Variants in STXBP5L observed in about 807,000 individuals in gnomAD.
STXBP5L encodes the protein syntaxin-binding protein 5-like.
STXBP5L carries 65 observed loss-of-function variants against 144.5 expected under a neutral mutation model. The ratio of observed to expected loss-of-function variants is 0.45; its 90% CI spans 0.37 to 0.55. STXBP5L has a LOEUF of 0.55. STXBP5L is among the 20% of genes least tolerant of loss of function. STXBP5L has a pLI of 0.00. For synonymous variants in STXBP5L, 505 were observed against 469.6 expected (o/e 1.08, Z -0.97); for missense variants, 1,298 against 1,405.5 (o/e 0.92, Z 1.22).
intron 11 of STXBP5L, among the ~76,000 whole-genome samples, chr3:121,223,513 A>G (rs767920327): frequency 2.0e-5 from 3 of 152,164 alleles, no homozygotes; most frequent in Non-Finnish European, 4.4e-5. Flanking sequence ...CCCAAAGCCA[A>G]TCAAAGTTAA....
chr3:121,063,324 A>T (rs1006893074), intron 5 of STXBP5L, among the ~76,000 whole-genome samples: 1 of 152,086 alleles, frequency 6.6e-6, no homozygotes, highest in Non-Finnish European at 1.5e-5. Flanking sequence ...TCACCAGTGG[A>T]TGCTGCAGAA....
intron 5 of STXBP5L, among the ~76,000 whole-genome samples, chr3:121,105,486 C>G (rs576604049): frequency 2.0e-5 from 3 of 151,954 alleles, no homozygotes; most frequent in Non-Finnish European, 4.4e-5. Context: ...CAGGGAAATG[C>G]AAATCAAAAC....
chr3:121,095,537 G>C (rs964961037), intron 5 of STXBP5L, among the ~76,000 whole-genome samples: 4 of 151,856 alleles, frequency 2.6e-5, no homozygotes, highest in African/African-American at 9.7e-5. Flanking sequence ...TCATTCATTT[G>C]GTCTTCAATC....
chr3:121,314,862 C>T (rs1436594868), intron 19 of STXBP5L, among the ~76,000 whole-genome samples: 1 of 152,318 alleles, frequency 6.6e-6, no homozygotes, highest in Admixed American at 6.5e-5. Context: ...GACATTTACA[C>T]AGCCAAAAGA....
chr3:121,370,858 C>T (rs1478057792), intron 20 of STXBP5L, among the ~76,000 whole-genome samples: 1 of 152,200 alleles, frequency 6.6e-6, no homozygotes, highest in South Asian at 2.1e-4. Flanking sequence ...GCTCTATCAG[C>T]TCAGTTACAT....
chr3:121,208,368 G>T (rs1418472252), intron 10 of STXBP5L, among the ~76,000 whole-genome samples: 2 of 151,786 alleles, frequency 1.3e-5, no homozygotes, highest in African/African-American at 4.8e-5. Context: ...AGTATTAGGA[G>T]ATATATCTAA....
chr3:121,064,624 TTCC>T (rs1319361204), intron 5 of STXBP5L, among the ~76,000 whole-genome samples: 4 of 152,260 alleles, frequency 2.6e-5, no homozygotes, highest in Non-Finnish European at 4.4e-5. Flanking sequence ...ATATGTTATA[TTCC>T]TTTATTTGCT....
intron 9 of STXBP5L, among the ~76,000 whole-genome samples, chr3:121,176,401 T>C (rs1577121516): frequency 6.9e-6 from 1 of 145,384 alleles, no homozygotes; most frequent in African/African-American, 2.5e-5. Context: ...GTCAATAAAA[T>C]TAAAGACAAA....
At chr3:121,065,411 T>G (rs1313467492) in intron 5 of STXBP5L, among the ~76,000 whole-genome samples, 2 of 152,152 alleles carry the variant, frequency 1.3e-5, no homozygotes, top group Non-Finnish European at 2.9e-5. Flanking sequence ...CACACACATG[T>G]CTTTTGTTGT....
chr3:121,280,873 C>CTT (rs2051035188), intron 19 of STXBP5L, among the ~76,000 whole-genome samples: 6 of 151,286 alleles, frequency 4.0e-5, no homozygotes, highest in Admixed American at 3.3e-4. Flanking sequence ...GCCAGTAATT[C>CTT]AAGACCAGTC....
Position 121,144,154 on chromosome 3 carries a change from A to AG in STXBP5L, c.670-8323_670-8322insG, listed in dbSNP as rs1417160170. Among the ~76,000 whole-genome samples the AG allele has an allele frequency of 2.0e-5, 3 of 151,702 alleles. No homozygotes were observed. The East Asian group carries it at 5.8e-4, about 29-fold the overall frequency. ...AACTCAATAGTAAAAAAAAAAAAAA[A>AG]AAAATCTAGTAACCCGATTTTAAAA... On this transcript the variant is annotated intron_variant, in intron 7 of 26. Coordinates refer to ENST00000471454, the MANE Select transcript of STXBP5L (RefSeq NM_001308330.2).
chr3:121,175,638 T>C lies in STXBP5L; in HGVS notation c.877+18011T>C, dbSNP rs530269477. Among the ~76,000 whole-genome samples, 6 of 151,574 alleles carry C rather than the reference T, an allele frequency of 4.0e-5. No individual in the cohort carries two copies. The South Asian group carries it at 1.3e-3, about 32-fold the overall frequency. ...CCATTAAAATGCTCAATTAAACCCA[T>C]AGAAGGCAGAAAAGGAGGGAAAAAA... On this transcript the variant is annotated intron_variant, in intron 9 of 26. Transcript: ENST00000471454.
At chr3:121,007,168 C>G (rs1944391511) in intron 3 of STXBP5L, among the ~76,000 whole-genome samples, 2 of 151,954 alleles carry the variant, frequency 1.3e-5, no homozygotes, top group African/African-American at 4.8e-5. Flanking sequence ...TTTTTAAATT[C>G]TACTTGTATG....
intron 19 of STXBP5L, among the ~76,000 whole-genome samples, chr3:121,300,699 CAAA>C (rs1377573679): frequency 2.7e-5 from 4 of 150,822 alleles, no homozygotes; most frequent in African/African-American, 9.7e-5. Context: ...TTTATTTTCT[CAAA>C]AGACAGAAAA....
chr3:121,043,102 A>G (rs1313293976), intron 4 of STXBP5L, among the ~76,000 whole-genome samples: 1 of 151,994 alleles, frequency 6.6e-6, no homozygotes, highest in Admixed American at 6.6e-5. Flanking sequence ...GAATAAATAA[A>G]GACAAGCCTT....
intron 12 of STXBP5L, among the ~76,000 whole-genome samples, chr3:121,238,272 G>A (rs1401567164): frequency 6.6e-6 from 1 of 152,140 alleles, no homozygotes; most frequent in Non-Finnish European, 1.5e-5. Context: ...ATGGTGAAAG[G>A]TGAAGCGGGG....
intron 18 of STXBP5L, among the ~76,000 whole-genome samples, chr3:121,267,610 G>A (rs559018227): frequency 3.4e-4 from 51 of 152,048 alleles, no homozygotes; most frequent in African/African-American, 1.2e-3. Flanking sequence ...AACTATCATC[G>A]GAGTGACCAG....
At chr3:121,317,115 G>T (rs1164673893) in intron 19 of STXBP5L, among the ~76,000 whole-genome samples, 3 of 152,008 alleles carry the variant, frequency 2.0e-5, no homozygotes, top group Non-Finnish European at 2.9e-5. Flanking sequence ...CCAGATTAAT[G>T]GTAATATTTA....
At chr3:121,172,597 T>A (rs1158931378) in intron 9 of STXBP5L, among the ~76,000 whole-genome samples, 1 of 152,140 alleles carries the variant, frequency 6.6e-6, no homozygotes, top group African/African-American at 2.4e-5. Context: ...TCATCACTGG[T>A]CATTAGAGAA....
Sources: allele counts gnomAD v4.1 joint callset (sites outside exome capture counted in the v4.1 genomes callset), GRCh38; gene constraint gnomAD v4.1.1; transcripts MANE v1.5; gene names NCBI Gene and HGNC (gene_info 2026-07-23, HGNC 2026-07-21).